Variants in PKP4 observed in about 807,000 individuals in gnomAD.
PKP4 encodes the protein plakophilin-4.
Under a neutral mutation model 145.1 loss-of-function variants are expected in PKP4, and 90 were observed. That is an observed-to-expected ratio of 0.62 (90% CI 0.52 to 0.74). The LOEUF is 0.74. Among genes scored for constraint, PKP4 ranks in the 30% least tolerant of loss-of-function variants. PKP4 has a pLI of 0.00. For missense variants in PKP4, 1,340 were observed against 1,482.7 expected (o/e 0.90, Z 1.58); for synonymous variants, 563 against 577.2 (o/e 0.98, Z 0.35).
intron 17 of PKP4, among the ~76,000 whole-genome samples, chr2:158,670,253 G>C (rs2057442446): frequency 6.6e-6 from 1 of 152,148 alleles, no homozygotes; most frequent in Non-Finnish European, 1.5e-5. Context: ...CTAGAGGCCG[G>C]GAAATCCAAG....
intron 1 of PKP4, among the ~76,000 whole-genome samples, chr2:158,471,095 A>G (rs1011448657): frequency 6.6e-6 from 1 of 152,304 alleles, no homozygotes; most frequent in Admixed American, 6.5e-5. Flanking sequence ...CACCATGAGC[A>G]GAGGAATCTC....
At chr2:158,574,710 C>T (rs1280332117) in intron 2 of PKP4, among the ~76,000 whole-genome samples, 2 of 152,136 alleles carry the variant, frequency 1.3e-5, no homozygotes, top group Non-Finnish European at 2.9e-5. Context: ...TGATATTCTG[C>T]TTTTGGCACT....
At chr2:158,467,697 A>T (rs1049772415) in intron 1 of PKP4, among the ~76,000 whole-genome samples, 1 of 152,056 alleles carries the variant, frequency 6.6e-6, no homozygotes, top group Non-Finnish European at 1.5e-5. Flanking sequence ...AATTTTAAAA[A>T]TTAGCTGCGT....
chr2:158,631,866 C>A lies in PKP4; in HGVS notation c.1267C>A (p.Pro423Thr), dbSNP rs200989584. ...ATATGAGGGGAGGACCTATTACAGC[C>A]CAGTGTACCGCAGCCCAAACCATGG... ...PIYEGRTYYS[P>T]VYRSPNHGTV... is the part of the protein sequence containing the mutation. The change falls in exon 8 of 22, where the codon CCA (proline) becomes ACA (threonine). Residue 423 changes from proline to threonine, a missense_variant. Coordinates refer to ENST00000389759, the MANE Select transcript of PKP4 (RefSeq NM_003628.6). The A allele has an allele frequency of 6.2e-7, 1 of 1,614,094 alleles. No homozygotes were observed. The highest frequency in any genetic ancestry group is 2.2e-5 in the East Asian group (1 of 44,882).
intron 1 of PKP4, among the ~76,000 whole-genome samples, chr2:158,529,194 A>G (rs565750383): frequency 2.6e-5 from 4 of 152,312 alleles, no homozygotes; most frequent in Admixed American, 6.5e-5. Context: ...CCAACCTTTA[A>G]TTTTGATTCC....
At chr2:158,490,738 C>G (rs982412173) in intron 1 of PKP4, among the ~76,000 whole-genome samples, 2 of 152,180 alleles carry the variant, frequency 1.3e-5, no homozygotes, top group Non-Finnish European at 2.9e-5. Context: ...GAAGACTGAT[C>G]TGACCACCTC....
chr2:158,492,095 C>G (rs1324888836), intron 1 of PKP4, among the ~76,000 whole-genome samples: 1 of 152,060 alleles, frequency 6.6e-6, no homozygotes, highest in Non-Finnish European at 1.5e-5. Context: ...AGGCTTGACC[C>G]ACTGCACCGG....
chr2:158,484,164 C>T (rs1693812066), intron 1 of PKP4, among the ~76,000 whole-genome samples: 1 of 151,890 alleles, frequency 6.6e-6, no homozygotes, highest in Non-Finnish European at 1.5e-5. Context: ...TCTCCTGCCT[C>T]AGCCTCCCGA....
intron 1 of PKP4, among the ~76,000 whole-genome samples, chr2:158,497,760 T>C (rs1488013081): frequency 6.6e-6 from 1 of 152,230 alleles, no homozygotes; most frequent in African/African-American, 2.4e-5. Flanking sequence ...GTATGAGTCA[T>C]AGTATTCAAT....
chr2:158,554,446 G>C (rs2045908323), intron 2 of PKP4, among the ~76,000 whole-genome samples: 1 of 111,652 alleles, frequency 9.0e-6, no homozygotes, highest in Non-Finnish European at 1.9e-5. Flanking sequence ...TTTTTTTTGA[G>C]ACGGAGTCTA....
At chr2:158,578,443 G>T (rs890307681) in intron 3 of PKP4, among the ~76,000 whole-genome samples, 130 of 152,036 alleles carry the variant, frequency 8.6e-4, no homozygotes, top group African/African-American at 2.8e-3. Context: ...TATAAGCAAG[G>T]TATAAAATAA....
In PKP4 at chr2:158,661,396, C is replaced by G; in HGVS notation, c.2157C>G (p.Asp719Glu). 1.9e-6 allele frequency: 3 copies of G among 1,613,898 alleles called. No homozygotes were observed. ...TGCGGTCCTGCGAGGGGCTGGTAGACTCACTGTTGTATGTGATCCACACGT... is the reference window on the plus strand; with the variant it reads ...TGCGGTCCTGCGAGGGGCTGGTAGAGTCACTGTTGTATGTGATCCACACGT... ...KQMRSCEGLV[D>E]SLLYVIHTCV... Residue 719 changes from aspartate to glutamate, a missense_variant, in exon 13 of 22, where the codon GAC (aspartate) becomes GAG (glutamate). Transcript: ENST00000389759.
chr2:158,592,964 C>T (rs907981638), intron 3 of PKP4, among the ~76,000 whole-genome samples: 1 of 152,140 alleles, frequency 6.6e-6, no homozygotes, highest in African/African-American at 2.4e-5. Flanking sequence ...TCACATAGAA[C>T]AAATAGAAAA....
intron 1 of PKP4, among the ~76,000 whole-genome samples, chr2:158,471,808 C>T (rs762410956): frequency 6.6e-6 from 1 of 152,140 alleles, no homozygotes; most frequent in Non-Finnish European, 1.5e-5. Context: ...TTTTTAGATA[C>T]CTCATTAAAC....
At chr2:158,629,106 A>G (rs1031122751) in intron 7 of PKP4, among the ~76,000 whole-genome samples, 1 of 152,212 alleles carries the variant, frequency 6.6e-6, no homozygotes, top group Non-Finnish European at 1.5e-5. Context: ...GATAATAATA[A>G]TGAGAAATTG....
In PKP4 at chr2:158,481,959, T is replaced by C. The variant is rs186706328; in HGVS notation, c.-6+24741T>C. ...TAGTGTCTGATTTTAAAAACTGTTG[T>C]AATGTTAGTGATATTTTACTGTATT... On this transcript the variant is annotated intron_variant, in intron 1 of 21. Transcript: ENST00000389759. Among the ~76,000 whole-genome samples the C allele has an allele frequency of 3.9e-4, 60 of 152,348 alleles. 1 individual carries two copies. The Middle Eastern group carries it at 0.014, about 35-fold the overall frequency.
Position 158,625,395 on chromosome 2 carries a change from G to C in PKP4, c.1121G>C (p.Arg374Thr). 1.9e-6 allele frequency: 3 copies of C among 1,613,822 alleles called. No homozygotes were observed. Among genetic ancestry groups the C allele is most frequent in the Non-Finnish European group, 2.5e-6 (3 of 1,179,784 alleles). ...FGQQQYDIYE[R>T]MVPPRPDSLT... ...CAGCAGCAGTATGACATTTATGAGA[G>C]GATGGTTCCACCCAGGCCAGACAGC... Residue 374 changes from arginine (R) to threonine (T), a missense_variant, in exon 7 of 22, where the codon AGG becomes ACG. Transcript: ENST00000389759.
intron 2 of PKP4, among the ~76,000 whole-genome samples, chr2:158,557,031 C>A (rs1269686065): frequency 6.6e-6 from 1 of 151,986 alleles, no homozygotes; most frequent in African/African-American, 2.4e-5. Flanking sequence ...AACTGCATAT[C>A]CCTGCCATGT....
At chr2:158,606,892 A>G (rs910743167) in intron 4 of PKP4, among the ~76,000 whole-genome samples, 1 of 152,196 alleles carries the variant, frequency 6.6e-6, no homozygotes, top group Admixed American at 6.5e-5. Context: ...ATTCAGTTAC[A>G]GTTGGGAGAT....
Sources: gnomAD v4.1 joint callset for allele counts (sites outside exome capture counted in the v4.1 genomes callset) on GRCh38, gnomAD v4.1.1 for gene constraint, MANE v1.5 for transcripts, NCBI Gene and HGNC (gene_info 2026-07-23, HGNC 2026-07-21) for gene names.